The following ENOX1 variants were observed in gnomAD, a reference collection of about 807,000 sequenced individuals.
ENOX1 encodes ecto-NOX disulfide-thiol exchanger 1.
In ENOX1, 42 loss-of-function variants were observed where a neutral mutation model predicts 82.5. That is an observed-to-expected ratio of 0.51 (90% CI 0.40 to 0.66). The LOEUF (loss-of-function observed/expected upper bound fraction) is 0.66, where lower values mean the gene tolerates loss of function less well. ENOX1 is among the 30% of genes least tolerant of loss of function. ENOX1 has a pLI of 0.00. For synonymous variants in ENOX1, 271 were observed against 282.2 expected (o/e 0.96, Z 0.40); for missense variants, 608 against 811.6 (o/e 0.75, Z 3.05).
chr13:43,466,555 AAAATCC>A (rs2057731453), intron 3 of ENOX1, among the ~76,000 whole-genome samples: 1 of 152,238 alleles, frequency 6.6e-6, no homozygotes, highest in Non-Finnish European at 1.5e-5. Flanking sequence ...TTTTGTATAA[AAAATCC>A]CATTAAACCT....
chr13:43,345,906 G>C (rs2049349153), intron 8 of ENOX1, among the ~76,000 whole-genome samples: 1 of 152,046 alleles, frequency 6.6e-6, no homozygotes, highest in Non-Finnish European at 1.5e-5. Context: ...TGTGTGCCAG[G>C]TACTGTCCCC....
intron 2 of ENOX1, among the ~76,000 whole-genome samples, chr13:43,488,784 A>G (rs1236284131): frequency 6.6e-6 from 1 of 152,218 alleles, no homozygotes; most frequent in African/African-American, 2.4e-5. Flanking sequence ...TATTCTGTTG[A>G]GATCTCAGAT....
At chr13:43,312,543 C>A (rs144690994) in intron 11 of ENOX1, among the ~76,000 whole-genome samples, 1 of 152,242 alleles carries the variant, frequency 6.6e-6, no homozygotes, top group East Asian at 1.9e-4. Context: ...TTCTCTTTAT[C>A]TTTTTGGGGA....
chr13:43,404,624 A>C (rs151146852), intron 5 of ENOX1, among the ~76,000 whole-genome samples: 1 of 152,208 alleles, frequency 6.6e-6, no homozygotes, highest in Non-Finnish European at 1.5e-5. Context: ...CATTTGTATA[A>C]TTATTTGATA....
At chr13:43,531,960 A>G (rs1344562195) in intron 2 of ENOX1, among the ~76,000 whole-genome samples, 1 of 151,320 alleles carries the variant, frequency 6.6e-6, no homozygotes, top group Non-Finnish European at 1.5e-5. Context: ...GCATTAGGAG[A>G]TATACCTAAT....
intron 5 of ENOX1, among the ~76,000 whole-genome samples, chr13:43,379,582 T>C (rs2051886801): frequency 6.6e-6 from 1 of 152,010 alleles, no homozygotes; most frequent in Non-Finnish European, 1.5e-5. Context: ...TTTAAAAAGT[T>C]AGTAAACTCA....
chr13:43,610,914 G>C (rs1050702832), intron 2 of ENOX1, among the ~76,000 whole-genome samples: 20 of 152,182 alleles, frequency 1.3e-4, no homozygotes, highest in Admixed American at 2.0e-4. Context: ...TCAACTGACA[G>C]TGACCTGTCA....
At chr13:43,737,364 T>A (rs958843332) in intron 1 of ENOX1, among the ~76,000 whole-genome samples, 11 of 152,266 alleles carry the variant, frequency 7.2e-5, no homozygotes, top group African/African-American at 2.6e-4. Flanking sequence ...GAAGCAGATA[T>A]CCTCAAGCAA....
chr13:43,277,248 T>A (rs2045099229), intron 12 of ENOX1, among the ~76,000 whole-genome samples: 1 of 152,224 alleles, frequency 6.6e-6, no homozygotes, highest in African/African-American at 2.4e-5. Flanking sequence ...TTAAATGCCA[T>A]TCTCATTGCT....
At chr13:43,776,282 G>C (rs1339378052) in intron 1 of ENOX1, among the ~76,000 whole-genome samples, 1 of 152,194 alleles carries the variant, frequency 6.6e-6, no homozygotes, top group Non-Finnish European at 1.5e-5. Context: ...AAAGACATTG[G>C]AGGGAGATTG....
intron 1 of ENOX1, among the ~76,000 whole-genome samples, chr13:43,718,783 G>C (rs1012950871): frequency 6.7e-6 from 1 of 148,658 alleles, no homozygotes; most frequent in Non-Finnish European, 1.5e-5. Flanking sequence ...CTTCAAACAA[G>C]ACTTTGTTAT....
intron 2 of ENOX1, among the ~76,000 whole-genome samples, chr13:43,578,787 G>A (rs1003290726): frequency 6.6e-6 from 1 of 152,132 alleles, no homozygotes; most frequent in Non-Finnish European, 1.5e-5. Context: ...AGGTATCTTT[G>A]TAGAATGAAT....
At position 43,368,970 on chromosome 13, in the gene ENOX1, CATGCCTTCCTTTGG is replaced by C. The variant is rs781416680; in HGVS notation, c.209-7532_209-7519del. Among the ~76,000 whole-genome samples, 121 of 152,196 alleles carry C rather than the reference CATGCCTTCCTTTGG, an allele frequency of 8.0e-4. 5 individuals carry two copies. Among genetic ancestry groups the C allele is most frequent in the Non-Finnish European group, 3.2e-4 (22 of 68,024 alleles). On this transcript the variant is annotated intron_variant, in intron 5 of 16. Coordinates refer to ENST00000690772, the MANE Select transcript of ENOX1 (RefSeq NM_001347969.2). The stretch of plus-strand genomic sequence containing the variant: ...GCACCTGAGTTCTCTGTCTCTCCAG[CATGCCTTCCTTTGG>C]ATGCCTCTAGTGACACTGCACTCAC...
chr13:43,516,445 G>A (rs998199422), intron 2 of ENOX1, among the ~76,000 whole-genome samples: 8 of 152,118 alleles, frequency 5.3e-5, no homozygotes, highest in Non-Finnish European at 1.0e-4. Context: ...GTAAGCAGAT[G>A]GGGACATGAA....
chr13:43,448,939 T>C (rs975287734), intron 3 of ENOX1, among the ~76,000 whole-genome samples: 1 of 152,222 alleles, frequency 6.6e-6, no homozygotes, highest in Non-Finnish European at 1.5e-5. Context: ...ATCCGCACCA[T>C]CTTAGAAGTG....
At chr13:43,599,303 C>T (rs1362877857) in intron 2 of ENOX1, among the ~76,000 whole-genome samples, 1 of 152,042 alleles carries the variant, frequency 6.6e-6, no homozygotes, top group Non-Finnish European at 1.5e-5. Flanking sequence ...GCCACCCCTT[C>T]CTCATTCCAT....
chr13:43,550,698 A>C (rs1469583646), intron 2 of ENOX1, among the ~76,000 whole-genome samples: 1 of 152,204 alleles, frequency 6.6e-6, no homozygotes, highest in African/African-American at 2.4e-5. Flanking sequence ...AAAGGGGTTA[A>C]GTAATTTTCC....
In ENOX1 at chr13:43,616,178, C is replaced by CTATATAGA. The variant is rs1566642064; in HGVS notation, c.-219+51300_-219+51301insTCTATATA. 4.6e-4 allele frequency among the ~76,000 whole-genome samples: 3 copies of CTATATAGA among 6,574 alleles called. 1 individual carries two copies. Among genetic ancestry groups the CTATATAGA allele is most frequent in the African/African-American group, 1.6e-3 (3 of 1,860 alleles). The allele number at this position is 6,574 out of a possible 152,430, so 4.3% of individuals were successfully genotyped here. A position where few individuals can be genotyped will look rare whatever the true frequency, so the allele number is the denominator to read the frequency against. ...GATAGATATCTATCTATCTATCTAT[C>CTATATAGA]TATCTATCTATATATATATATATAT... On this transcript the variant is annotated intron_variant, in intron 2 of 16. Transcript: ENST00000690772.
chr13:43,644,987 A>C (rs1566697155), intron 2 of ENOX1, among the ~76,000 whole-genome samples: 1 of 152,216 alleles, frequency 6.6e-6, no homozygotes, highest in African/African-American at 2.4e-5. Flanking sequence ...AGGCAGTGAT[A>C]GGTCTGTAAT....
Sources: gnomAD v4.1 joint callset for allele counts (sites outside exome capture counted in the v4.1 genomes callset) on GRCh38, gnomAD v4.1.1 for gene constraint, MANE v1.5 for transcripts, NCBI Gene and HGNC (gene_info 2026-07-23, HGNC 2026-07-21) for gene names.